The following KIFC3 variants were observed in gnomAD, a reference collection of about 807,000 sequenced individuals.
KIFC3 encodes the protein kinesin-like protein KIFC3.
KIFC3 carries 60 observed loss-of-function variants against 101.8 expected under a neutral mutation model. The ratio of observed to expected loss-of-function variants is 0.59; its 90% CI spans 0.48 to 0.73. The LOEUF (loss-of-function observed/expected upper bound fraction) is 0.73. Among genes scored for constraint, KIFC3 ranks in the 30% least tolerant of loss-of-function variants. The pLI, the probability that KIFC3 is intolerant of heterozygous loss-of-function variation, is 0.00. For synonymous variants in KIFC3, 476 were observed against 482.7 expected (o/e 0.99, Z 0.18); for missense variants, 966 against 1,137.1 (o/e 0.85, Z 2.16).
At chr16:57,765,662 A>ACC in intron 10 of KIFC3, 22 bp from the exon 11 acceptor site, 1 of 1,597,124 alleles carries the variant, frequency 6.3e-7, no homozygotes, top group Non-Finnish European at 8.5e-7. Context: ...GGGGATGGGG[A>ACC]AATGGGTCCA....
intron 12 of KIFC3, among the ~76,000 whole-genome samples, chr16:57,763,750 C>T (rs1315784396): frequency 3.3e-5 from 5 of 152,176 alleles, no homozygotes; most frequent in African/African-American, 1.2e-4. Flanking sequence ...AGGACTGAGA[C>T]CCGCCACTCA....
intron 1 of KIFC3, among the ~76,000 whole-genome samples, chr16:57,827,122 C>A (rs2055475072): frequency 6.6e-6 from 1 of 152,270 alleles, no homozygotes; most frequent in East Asian, 1.9e-4. Flanking sequence ...TGGACCCCGT[C>A]ATCTCTCATT....
At chr16:57,830,822 C>T (rs1229933662) in intron 1 of KIFC3, among the ~76,000 whole-genome samples, 1 of 151,960 alleles carries the variant, frequency 6.6e-6, no homozygotes, top group Non-Finnish European at 1.5e-5. Flanking sequence ...ATTCCCGGGG[C>T]CTTGAGTAAT....
At position 57,775,056 on chromosome 16, in the gene KIFC3, T is replaced by TG. The variant is rs1388805273; in HGVS notation, c.316-2769dup. 37 of 1,517,186 alleles carry TG rather than the reference T, an allele frequency of 2.4e-5. No individual in the cohort carries two copies. The African/African-American group carries it at 4.8e-4, about 20-fold the overall frequency. The allele number at this position is 1,517,186 out of a possible 1,614,324, so 94.0% of individuals were successfully genotyped here. ...GAGAGTGGGGTTTGCCAGTGTTTGC[T>TG]GGGGGTGGGAGGCGGGATACCCACC... On this transcript the variant is annotated intron_variant, in intron 3 of 19. Transcript: ENST00000445690.
chr16:57,781,475 T>G (rs2052729466), intron 3 of KIFC3, among the ~76,000 whole-genome samples: 1 of 151,744 alleles, frequency 6.6e-6, no homozygotes, highest in African/African-American at 2.4e-5. Context: ...CTGGGGAGGG[T>G]CATCCCAACA....
chr16:57,847,030 C>A (rs2055934472), intron 1 of KIFC3, among the ~76,000 whole-genome samples: 1 of 151,504 alleles, frequency 6.6e-6, no homozygotes, highest in South Asian at 2.1e-4. Flanking sequence ...ACTAAAAATG[C>A]AAAAATTAGC....
upstream of KIFC3, among the ~76,000 whole-genome samples, chr16:57,803,699 A>G (rs1401083439): frequency 6.6e-6 from 1 of 152,268 alleles, no homozygotes; most frequent in Non-Finnish European, 1.5e-5. Flanking sequence ...AGCCTAGTGC[A>G]TGCTTTATTT....
chr16:57,769,498 C>G lies in KIFC3; in HGVS notation c.1218+97G>C, dbSNP rs776750664. ...GGGGCAGGGGCTGCTGTCTGAGCGG[C>G]TTTGTCTGAGCTTTGGAGGGACGCC... On this transcript the variant is annotated intron_variant, in intron 9 of 19. Coordinates refer to ENST00000445690, the MANE Select transcript of KIFC3 (RefSeq NM_001130100.2). This position sits in a 1 kb window ranked among gnomAD's most constrained non-coding sequence, Gnocchi z 4.3. The G allele has an allele frequency of 1.1e-3, 1,643 of 1,481,180 alleles. 3 individuals carry two copies. The highest frequency in any genetic ancestry group is 1.4e-3 in the Non-Finnish European group (1,527 of 1,103,346). The allele number at this position is 1,481,180 out of a possible 1,614,324, so 91.8% of individuals were successfully genotyped here. A position where few individuals can be genotyped will look rare whatever the true frequency, so the allele number is the denominator to read the frequency against.
At chr16:57,852,751 T>C (rs1208665725) in intron 1 of KIFC3, among the ~76,000 whole-genome samples, 2 of 46,760 alleles carry the variant, frequency 4.3e-5, no homozygotes, top group Non-Finnish European at 1.0e-4. Flanking sequence ...AATTGTTCTG[T>C]AAGCTCCCGT....
At position 57,794,992 on chromosome 16, in the gene KIFC3, T is replaced by C. The variant is rs782167389; in HGVS notation, c.315+7A>G. 6.4e-7 allele frequency: 1 copy of C among 1,566,676 alleles called. No individual in the cohort carries two copies. The highest frequency in any genetic ancestry group is 1.2e-5 in the South Asian group (1 of 84,720). ...GCACATGCAGCCTGGAAGGCCCCAG[T>C]GCTTACCTGCAGGGTCAGGTAGAGC... On this transcript the variant is annotated splice_region_variant and intron_variant, in intron 3 of 19. Transcript: ENST00000445690.
rs373087404 is a variant in KIFC3, at chr16:57,766,844, A to G, written c.1330+30T>C. 3 of 1,549,934 alleles carry G rather than the reference A, an allele frequency of 1.9e-6. No homozygotes were observed. In the African/African-American group the frequency reaches 4.1e-5, roughly 21 times the overall value. ...AAGCCAGGTCGAGGACCCCGAGGCC[A>G]GCGCCCACCCCCAGCCCTCCTGCAG... On this transcript the variant is annotated intron_variant, in intron 10 of 19. Coordinates refer to ENST00000445690, the MANE Select transcript of KIFC3 (RefSeq NM_001130100.2).
intron 1 of KIFC3, among the ~76,000 whole-genome samples, chr16:57,834,393 T>G (rs1555479947): frequency 6.6e-6 from 1 of 152,178 alleles, no homozygotes; most frequent in Non-Finnish European, 1.5e-5. Flanking sequence ...TCACAAAAGT[T>G]TTACACATTA....
Position 57,798,223 on chromosome 16 carries a change from C to A in KIFC3, c.21G>T (p.Thr7=), listed in dbSNP as rs1466270135. The change falls in exon 2 of 20, where the codon ACG becomes ACT. Residue 7 remains threonine, a synonymous_variant. Transcript: ENST00000445690. Reference sequence around the variant, plus strand: ...GCGAGGGCGTGGCTCCCAGGTTCCACGTCCTGCGAGAGGGGACCATGGCCT... The same window carrying A: ...GCGAGGGCGTGGCTCCCAGGTTCCAAGTCCTGCGAGAGGGGACCATGGCCT... MVPSRR[T]WNLGATPSLR... 9 of 1,549,850 alleles carry A rather than the reference C, an allele frequency of 5.8e-6. No individual in the cohort carries two copies. The Admixed American group carries it at 1.6e-4, about 27-fold the overall frequency.
At chr16:57,862,249 C>G (rs1329758057) in intron 1 of KIFC3, among the ~76,000 whole-genome samples, 1 of 141,468 alleles carries the variant, frequency 7.1e-6, no homozygotes, top group Non-Finnish European at 1.5e-5. Context: ...GTCTCAAACT[C>G]TTGAGCTCAA....
At chr16:57,853,491 A>G (rs2056099946) in intron 1 of KIFC3, among the ~76,000 whole-genome samples, 1 of 152,186 alleles carries the variant, frequency 6.6e-6, no homozygotes. Context: ...GGGCAAACAG[A>G]AACAAAACAT....
chr16:57,839,760 G>C (rs756994422), intron 1 of KIFC3, among the ~76,000 whole-genome samples: 1 of 151,938 alleles, frequency 6.6e-6, no homozygotes, highest in Non-Finnish European at 1.5e-5. Context: ...TGTAATAAAC[G>C]TGTCAGGTTT....
At chr16:57,762,689 C>G (rs1555599105) in intron 12 of KIFC3, among the ~76,000 whole-genome samples, 1 of 152,126 alleles carries the variant, frequency 6.6e-6, no homozygotes, top group African/African-American at 2.4e-5. Context: ...AGAGGAGGCA[C>G]AAGGAGGAGC....
chr16:57,819,412 C>T (rs1164285644), intron 1 of KIFC3, among the ~76,000 whole-genome samples: 3 of 152,154 alleles, frequency 2.0e-5, no homozygotes, highest in Non-Finnish European at 2.9e-5. Context: ...GGGTACATGA[C>T]TTGGCGCAAG....
intron 3 of KIFC3, among the ~76,000 whole-genome samples, chr16:57,794,453 T>C (rs1416836109): frequency 6.6e-6 from 1 of 152,088 alleles, no homozygotes; most frequent in Non-Finnish European, 1.5e-5. Flanking sequence ...CGTGAACTCC[T>C]GGGCTCAAGC....
Sources: allele counts gnomAD v4.1 joint callset (sites outside exome capture counted in the v4.1 genomes callset), GRCh38; gene constraint gnomAD v4.1.1; non-coding constraint Gnocchi (gnomAD v3.1); transcripts MANE v1.5; gene names NCBI Gene and HGNC (gene_info 2026-07-23, HGNC 2026-07-21).